The following TBCEL variants were observed in gnomAD, a reference collection of about 807,000 sequenced individuals.
TBCEL encodes tubulin-specific chaperone cofactor E-like protein.
Under a neutral mutation model 44.2 loss-of-function variants are expected in TBCEL, and 15 were observed. The ratio of observed to expected loss-of-function variants is 0.34; its 90% CI spans 0.23 to 0.52. TBCEL has a LOEUF of 0.52. TBCEL is among the 20% of genes least tolerant of loss of function. The pLI is 0.95. For missense variants in TBCEL, 319 were observed against 506.3 expected (o/e 0.63, Z 3.55); for synonymous variants, 171 against 185.4 (o/e 0.92, Z 0.63).
intron 8 of TBCEL, among the ~76,000 whole-genome samples, chr11:121,083,574 G>A (rs1440578227): frequency 6.6e-6 from 1 of 152,194 alleles, no homozygotes; most frequent in Non-Finnish European, 1.5e-5. Flanking sequence ...ATTTCTGAAT[G>A]TAGGTCATAA....
Position 121,086,033 on chromosome 11 carries a change from C to G in TBCEL, c.957-745C>G, listed in dbSNP as rs186100777. ...TGGTACGTAGGAAACTTGTAAGTGT[C>G]CTTGATAAAATCAGATCTAGATCCT... On this transcript the variant is annotated intron_variant, in intron 8 of 8. Coordinates refer to ENST00000683345, the MANE Select transcript of TBCEL (RefSeq NM_001363644.2). Among the ~76,000 whole-genome samples, 606 of 152,136 alleles carry G rather than the reference C, an allele frequency of 4.0e-3. 2 individuals carry two copies. Among genetic ancestry groups the G allele is most frequent in the African/African-American group, 0.013 (558 of 41,482 alleles).
chr11:121,045,850 T>A, intron 3 of TBCEL, 27 bp downstream of exon 3: 2 of 1,532,244 alleles, frequency 1.3e-6, no homozygotes, highest in Non-Finnish European at 8.7e-7. Flanking sequence ...CTAAAACACT[T>A]ATTTAGTGGA....
intron 8 of TBCEL, among the ~76,000 whole-genome samples, chr11:121,067,253 CTT>C (rs1945837894): frequency 6.6e-6 from 1 of 152,182 alleles, no homozygotes; most frequent in African/African-American, 2.4e-5. Flanking sequence ...CAATAAAAGA[CTT>C]TAAAGAGGAT....
intron 1 of TBCEL, among the ~76,000 whole-genome samples, chr11:121,030,915 G>T (rs1190028962): frequency 6.1e-5 from 9 of 146,668 alleles, no homozygotes; most frequent in Non-Finnish European, 9.0e-5. Flanking sequence ...TTATTTTTCT[G>T]CCCTGTGTGA....
intron 8 of TBCEL, among the ~76,000 whole-genome samples, chr11:121,084,585 C>G (rs139679585): frequency 1.6e-4 from 25 of 152,248 alleles, no homozygotes; most frequent in African/African-American, 5.8e-4. Context: ...TTCATGTCAT[C>G]TCTTTGTTGA....
rs1945453544 is a variant in TBCEL, at chr11:121,047,653, G to A, written c.259G>A (p.Glu87Lys). The A allele has an allele frequency of 4.3e-6, 7 of 1,612,350 alleles. No individual in the cohort carries two copies. Among genetic ancestry groups the A allele is most frequent in the Non-Finnish European group, 5.1e-6 (6 of 1,179,002 alleles). Reference sequence around the variant, plus strand: ...ACTAGATCTTTCTGACAACAAACTCGAAGACTGGCATGAGGTGAAGTTTTT... The same window carrying A: ...ACTAGATCTTTCTGACAACAAACTCAAAGACTGGCATGAGGTGAAGTTTTT... ...SELDLSDNKLEDWHEVSKIVS... is the reference protein window; with the variant it reads ...SELDLSDNKLKDWHEVSKIVS... Residue 87 changes from glutamate to lysine, a missense_variant, in exon 4 of 9, where the codon GAA becomes AAA. By Grantham distance (56) the Glu-to-Lys change is moderately conservative. Transcript: ENST00000683345.
At chr11:121,066,904 C>T (rs1945831682) in intron 8 of TBCEL, among the ~76,000 whole-genome samples, 1 of 152,086 alleles carries the variant, frequency 6.6e-6, no homozygotes, top group Non-Finnish European at 1.5e-5. Context: ...ATGGAGGTAT[C>T]CATTTATTTA....
intron 8 of TBCEL, among the ~76,000 whole-genome samples, chr11:121,062,417 G>A (rs900055597): frequency 6.6e-6 from 1 of 152,058 alleles, no homozygotes; most frequent in Non-Finnish European, 1.5e-5. Context: ...TTTATGTGCT[G>A]TACATTTATA....
rs571704343 is a variant in TBCEL, at chr11:121,026,739, G to A, written c.-126+2448G>A. Among the ~76,000 whole-genome samples, 3 of 152,300 alleles carry A rather than the reference G, an allele frequency of 2.0e-5. No homozygotes were observed. In the East Asian group the frequency reaches 5.8e-4, roughly 29 times the overall value. ...TCCTTTAAAAATGACCTCTTAATCA[G>A]GGAAATATTTGTTTTAAAATATTTA... On this transcript the variant is annotated intron_variant, in intron 1 of 8. Coordinates refer to ENST00000683345, the MANE Select transcript of TBCEL (RefSeq NM_001363644.2).
intron 2 of TBCEL, among the ~76,000 whole-genome samples, chr11:121,037,854 T>C (rs926453995): frequency 1.3e-5 from 2 of 152,198 alleles, no homozygotes; most frequent in Non-Finnish European, 2.9e-5. Flanking sequence ...TAATACTTAT[T>C]TACATTATTA....
chr11:121,028,270 C>A (rs545163833), intron 1 of TBCEL, among the ~76,000 whole-genome samples: 8 of 152,232 alleles, frequency 5.3e-5, no homozygotes, highest in African/African-American at 1.4e-4. Flanking sequence ...CCTAGACTTA[C>A]TGAATCAGAA....
At chr11:121,079,364 A>T (rs1265532672) in intron 8 of TBCEL, among the ~76,000 whole-genome samples, 2 of 152,220 alleles carry the variant, frequency 1.3e-5, no homozygotes, top group East Asian at 3.8e-4. Flanking sequence ...GACATTTGAA[A>T]TGTAGGAATG....
chr11:121,054,981 T>G, intron 5 of TBCEL, 71 bp from the exon 6 acceptor site: 1 of 1,368,524 alleles, frequency 7.3e-7, no homozygotes, highest in Non-Finnish European at 9.5e-7. Flanking sequence ...ATTTATTGAA[T>G]GAATGAAAAT....
At position 121,058,478 on chromosome 11, in the gene TBCEL, T is replaced by G. The variant is rs1235843514; in HGVS notation, c.839+7T>G. Reference sequence around the variant, plus strand: ...GGAAATTGGTAATAGCCAGGTCTGTTGTCCTGATCGTTTTGCTTTATTTTT... The same window carrying G: ...GGAAATTGGTAATAGCCAGGTCTGTGGTCCTGATCGTTTTGCTTTATTTTT... On this transcript the variant is annotated splice_region_variant and intron_variant, in intron 7 of 8. Coordinates refer to ENST00000683345, the MANE Select transcript of TBCEL (RefSeq NM_001363644.2). 2.5e-6 allele frequency: 4 copies of G among 1,611,000 alleles called. No homozygotes were observed. The highest frequency in any genetic ancestry group is 3.4e-6 in the Non-Finnish European group (4 of 1,177,764).
intron 8 of TBCEL, among the ~76,000 whole-genome samples, chr11:121,076,727 T>C (rs1187467391): frequency 6.6e-6 from 1 of 151,978 alleles, no homozygotes; most frequent in East Asian, 1.9e-4. Context: ...GGCAAACACC[T>C]AGCCTTTTTC....
At chr11:121,028,218 TAAATAAAATA>T (rs551230039) in intron 1 of TBCEL, among the ~76,000 whole-genome samples, 1 of 151,206 alleles carries the variant, frequency 6.6e-6, no homozygotes, top group Non-Finnish European at 1.5e-5. Flanking sequence ...AATAAATAAA[TAAATAAAATA>T]AAATAAAATA....
chr11:121,055,144 A>T lies in TBCEL; in HGVS notation c.548A>T (p.Asp183Val). Residue 183 changes from aspartate to valine, a missense_variant, in exon 6 of 9, where the codon GAC becomes GTC. Asp to Val is a radical substitution (Grantham distance 152, BLOSUM62 -3). Coordinates refer to ENST00000683345, the MANE Select transcript of TBCEL (RefSeq NM_001363644.2). ...TCTCTTAAGCTACTACATATAACAG[A>T]CAATAACCTCCAAGACTGGACTGAA... ...CHSLKLLHIT[D>V]NNLQDWTEIR... The T allele has an allele frequency of 6.2e-7, 1 of 1,611,940 alleles. No homozygotes were observed. Among genetic ancestry groups the T allele is most frequent in the Non-Finnish European group, 8.5e-7 (1 of 1,178,860 alleles).
At chr11:121,034,222 A>T (rs1299155340) in intron 1 of TBCEL, among the ~76,000 whole-genome samples, 1 of 152,210 alleles carries the variant, frequency 6.6e-6, no homozygotes, top group Non-Finnish European at 1.5e-5. Flanking sequence ...CCAGCAGTGC[A>T]CATATATTAA....
chr11:121,069,026 G>A (rs1016280424), intron 8 of TBCEL, among the ~76,000 whole-genome samples: 2 of 151,782 alleles, frequency 1.3e-5, no homozygotes, highest in African/African-American at 4.8e-5. Context: ...TCTCTCCCTC[G>A]CTGACACCTT....
Sources: allele counts gnomAD v4.1 joint callset (sites outside exome capture counted in the v4.1 genomes callset), GRCh38; gene constraint gnomAD v4.1.1; transcripts MANE v1.5; gene names NCBI Gene and HGNC (gene_info 2026-07-23, HGNC 2026-07-21).